CDH13: variants seen among roughly 807,000 people sequenced by gnomAD.
CDH13 encodes cadherin-13.
A neutral mutation model predicts 63.8 loss-of-function variants in CDH13; 24 were observed. The observed-to-expected ratio is 0.38, with a 90% CI of 0.27 to 0.53. The LOEUF (loss-of-function observed/expected upper bound fraction) is 0.53, where lower values mean the gene tolerates loss of function less well. CDH13 is among the 20% of genes least tolerant of loss of function. The pLI is 0.85. For missense variants in CDH13, 1,049 were observed against 903.1 expected (o/e 1.16, Z -2.07); for synonymous variants, 503 against 355.3 (o/e 1.42, Z -4.67).
intron 5 of CDH13, among the ~76,000 whole-genome samples, chr16:83,260,922 G>A (rs1048273700): frequency 2.6e-5 from 4 of 151,910 alleles, no homozygotes; most frequent in South Asian, 2.1e-4. Context: ...ACCAGGTCTT[G>A]GGGGGCGGCC....
chr16:82,879,735 C>A (rs1400932391), intron 2 of CDH13, among the ~76,000 whole-genome samples: 2 of 135,164 alleles, frequency 1.5e-5, no homozygotes, highest in Non-Finnish European at 3.1e-5. Flanking sequence ...TAGATACATA[C>A]TGATTATATA....
At chr16:82,797,510 T>C (rs1597617748) in intron 1 of CDH13, among the ~76,000 whole-genome samples, 1 of 152,210 alleles carries the variant, frequency 6.6e-6, no homozygotes, top group African/African-American at 2.4e-5. Context: ...GGCACTTATC[T>C]GATCTTTCAA....
chr16:83,529,014 G>C (rs2075023431), intron 7 of CDH13, among the ~76,000 whole-genome samples: 1 of 151,894 alleles, frequency 6.6e-6, no homozygotes, highest in Non-Finnish European at 1.5e-5. Context: ...ATTCAGTTTA[G>C]GGAGTATGAA....
At chr16:82,794,601 G>A (rs1012510912) in intron 1 of CDH13, among the ~76,000 whole-genome samples, 1 of 151,962 alleles carries the variant, frequency 6.6e-6, no homozygotes, top group East Asian at 1.9e-4. Context: ...AATATTTGAC[G>A]ACAACGGAAT....
At chr16:82,860,386 T>A (rs113119971) in intron 2 of CDH13, among the ~76,000 whole-genome samples, 4 of 31,264 alleles carry the variant, frequency 1.3e-4, no homozygotes, top group African/African-American at 5.7e-4. Context: ...TGTGTGTGTG[T>A]GTGGGGGGGG....
intron 5 of CDH13, among the ~76,000 whole-genome samples, chr16:83,260,622 C>T (rs539196874): frequency 5.3e-4 from 81 of 152,254 alleles, no homozygotes; most frequent in Middle Eastern, 3.4e-3. Context: ...GATACTGCTG[C>T]TCCCCAAAGT....
intron 8 of CDH13, among the ~76,000 whole-genome samples, chr16:83,670,466 C>G (rs982823261): frequency 6.6e-6 from 1 of 152,290 alleles, no homozygotes; most frequent in African/African-American, 2.4e-5. Flanking sequence ...TTTTGTGGTC[C>G]TCTGCATTCA....
chr16:82,898,404 A>C (rs867344487), intron 2 of CDH13, among the ~76,000 whole-genome samples: 1 of 152,172 alleles, frequency 6.6e-6, no homozygotes, highest in Non-Finnish European at 1.5e-5. Flanking sequence ...ATGTGCCTGT[A>C]ATTCCGGCTA....
intron 2 of CDH13, among the ~76,000 whole-genome samples, chr16:83,023,841 TAG>T (rs1915566484): frequency 6.6e-6 from 1 of 152,200 alleles, no homozygotes; most frequent in Non-Finnish European, 1.5e-5. Flanking sequence ...GGTGAGAATG[TAG>T]AGTCTGTTTT....
intron 6 of CDH13, among the ~76,000 whole-genome samples, chr16:83,381,703 A>G (rs2091570310): frequency 6.6e-6 from 1 of 151,902 alleles, no homozygotes; most frequent in African/African-American, 2.4e-5. Context: ...AAAGCTGCAC[A>G]TGCCTGAAAT....
At chr16:82,917,806 T>C (rs1213741197) in intron 2 of CDH13, among the ~76,000 whole-genome samples, 3 of 151,386 alleles carry the variant, frequency 2.0e-5, no homozygotes, top group East Asian at 2.0e-4. Flanking sequence ...TCTCAGATAC[T>C]TGGGAGGCTG....
At chr16:83,164,583 T>C (rs2037582007) in intron 4 of CDH13, among the ~76,000 whole-genome samples, 1 of 151,746 alleles carries the variant, frequency 6.6e-6, no homozygotes, top group South Asian at 2.1e-4. Context: ...TAGCCAGGCA[T>C]GGTGGGGGCG....
At chr16:83,534,945 G>A (rs1338456268) in intron 7 of CDH13, among the ~76,000 whole-genome samples, 1 of 152,194 alleles carries the variant, frequency 6.6e-6, no homozygotes, top group African/African-American at 2.4e-5. Flanking sequence ...CAATTTTATA[G>A]GACAATCTGA....
At chr16:83,478,179 A>G (rs899543721) in intron 6 of CDH13, among the ~76,000 whole-genome samples, 2 of 147,792 alleles carry the variant, frequency 1.4e-5, no homozygotes, top group African/African-American at 4.9e-5. Context: ...AAAAACATCA[A>G]AAGATCTGGC....
At chr16:83,751,311 A>T (rs538582517) in intron 11 of CDH13, among the ~76,000 whole-genome samples, 1 of 152,232 alleles carries the variant, frequency 6.6e-6, no homozygotes, top group Admixed American at 6.5e-5. Flanking sequence ...TTTTACAAAG[A>T]TACACAGGCA....
intron 6 of CDH13, among the ~76,000 whole-genome samples, chr16:83,453,135 T>C (rs1212687272): frequency 6.6e-6 from 1 of 152,188 alleles, no homozygotes; most frequent in South Asian, 2.1e-4. Context: ...AAACCAAACA[T>C]TGTGTGTTCT....
At chr16:82,966,959 A>G (rs1307020495) in intron 2 of CDH13, among the ~76,000 whole-genome samples, 2 of 152,200 alleles carry the variant, frequency 1.3e-5, no homozygotes, top group Non-Finnish European at 2.9e-5. Context: ...TTTTATTGCA[A>G]AAGAAAATAT....
At chr16:83,117,418 A>T (rs1597367594) in intron 3 of CDH13, among the ~76,000 whole-genome samples, 1 of 151,728 alleles carries the variant, frequency 6.6e-6, no homozygotes, top group East Asian at 1.9e-4. Context: ...TCCTCGGTGG[A>T]CCGCTTCTTG....
At chr16:83,124,330 G>A (rs2035718784) in intron 3 of CDH13, among the ~76,000 whole-genome samples, 1 of 152,156 alleles carries the variant, frequency 6.6e-6, no homozygotes, top group Non-Finnish European at 1.5e-5. Context: ...ATAGGTGTGA[G>A]CCACCGCACC....
Sources: allele counts gnomAD v4.1 joint callset (sites outside exome capture counted in the v4.1 genomes callset), GRCh38; gene constraint gnomAD v4.1.1; transcripts MANE v1.5; gene names NCBI Gene and HGNC (gene_info 2026-07-23, HGNC 2026-07-21).